The following MYH7 variants were observed in gnomAD, a reference collection of about 807,000 sequenced individuals.
The protein encoded by MYH7 is myosin heavy chain 7, also known as myosin-7.
MYH7 carries 129 observed loss-of-function variants against 225.4 expected under a neutral mutation model. That is an observed-to-expected ratio of 0.57 (90% CI 0.50 to 0.66). The LOEUF (loss-of-function observed/expected upper bound fraction) is 0.66. Ranked by LOEUF, MYH7 falls within the 30% of genes least tolerant of loss-of-function variation. MYH7 has a pLI of 0.00. For missense variants in MYH7, 1,649 were observed against 2,517.0 expected (o/e 0.66, Z 7.38); for synonymous variants, 971 against 1,007.6 (o/e 0.96, Z 0.69).
Position 23,429,790 on chromosome 14 carries a change from G to T in MYH7, c.1123C>A (p.Pro375Thr). The T allele has an allele frequency of 6.2e-7, 1 of 1,612,662 alleles. No individual in the cohort carries two copies. The change falls in exon 12 of 40, where the codon CCA (proline) becomes ACA (threonine). Residue 375 changes from proline (P) to threonine (T), a missense_variant. This residue lies in a region of MYH7 where 131 missense variants were observed against 231.3 expected (regional missense o/e 0.57). Transcript: ENST00000355349. ...KLKQREEQAE[P>T]DGTEEADKSA... ...TGCCTCCCACCTTCAGTGCCGTCTG[G>T]CTCCGCCTGCTCCTCCCGCTGCTTC...
At chr14:23,414,914 A>C in intron 37 of MYH7, 81 bp downstream of exon 37, 1 of 1,597,340 alleles carries the variant, frequency 6.3e-7, no homozygotes, top group South Asian at 1.1e-5. Context: ...AGAGGCTAAG[A>C]GCAAACTCTT....
At position 23,414,091 on chromosome 14, in the gene MYH7, G is replaced by A; in HGVS notation, c.5571C>T (p.Asp1857=). Residue 1857 remains aspartate (D), a synonymous_variant, in exon 38 of 40, where the codon GAC becomes GAT. Coordinates refer to ENST00000355349, the MANE Select transcript of MYH7 (RefSeq NM_000257.4). The part of the protein sequence containing the change: ...IKELTYQTEE[D]RKNLLRLQDL... ...CCTGCAGCCGCAGCAGGTTTTTCCTGTCCTCCTCCGTCTGGGGGCCAGAGG... is the reference window on the plus strand; with the variant it reads ...CCTGCAGCCGCAGCAGGTTTTTCCTATCCTCCTCCGTCTGGGGGCCAGAGG... 1.9e-6 allele frequency: 3 copies of A among 1,612,826 alleles called. No individual in the cohort carries two copies. The highest frequency in any genetic ancestry group is 2.5e-6 in the Non-Finnish European group (3 of 1,180,018).
intron 31 of MYH7, 78 bp from the exon 32 acceptor site, chr14:23,417,396 G>C (rs1892265051): frequency 6.2e-7 from 1 of 1,611,522 alleles, no homozygotes; most frequent in Non-Finnish European, 8.5e-7. Flanking sequence ...ACCTGCCTGG[G>C]CTCAGCCCTC....
chr14:23,420,096 C>G lies in MYH7; in HGVS notation c.3475G>C (p.Val1159Leu). The G allele has an allele frequency of 5.6e-6, 9 of 1,602,332 alleles. No individual in the cohort carries two copies. Among genetic ancestry groups the G allele is most frequent in the Non-Finnish European group, 7.7e-6 (9 of 1,175,478 alleles). Residue 1159 changes from valine to leucine, a missense_variant, in exon 27 of 40, where the codon GTG becomes CTG. Val to Leu is a conservative substitution (Grantham distance 32). Coordinates refer to ENST00000355349, the MANE Select transcript of MYH7 (RefSeq NM_000257.4). ...CGCTTCTTGTTCATCTCGATCTGCA[C>G]GGACGTGGCCCCGCCGGCCTCTTCC... ...RLEEAGGATS[V>L]QIEMNKKREA...
At position 23,422,266 on chromosome 14, in the gene MYH7, C is replaced by T. The variant is rs769027917; in HGVS notation, c.3159G>A (p.Arg1053=). 1 of 1,614,132 alleles carries T rather than the reference C, an allele frequency of 6.2e-7. No individual in the cohort carries two copies. Among genetic ancestry groups the T allele is most frequent in the African/African-American group, 1.3e-5 (1 of 75,028 alleles). Reference sequence around the variant, plus strand: ...TCAGCTTCAGGTCGCCCTCCAGCTTCCGCTTCGCTCGCTCCAGGTCCATGC... The same window carrying T: ...TCAGCTTCAGGTCGCCCTCCAGCTTTCGCTTCGCTCGCTCCAGGTCCATGC... The part of the protein sequence containing the change: ...KVRMDLERAK[R]KLEGDLKLTQ... The change falls in exon 25 of 40, where the codon CGG becomes CGA. Residue 1053 remains arginine (R), a synonymous_variant. Coordinates refer to ENST00000355349, the MANE Select transcript of MYH7 (RefSeq NM_000257.4).
rs1437987804 is a variant in MYH7, at chr14:23,415,492, G to C, written c.5172C>G (p.Ile1724Met). 5 of 1,614,212 alleles carry C rather than the reference G, an allele frequency of 3.1e-6. No individual in the cohort carries two copies. The highest frequency in any genetic ancestry group is 4.2e-6 in the Non-Finnish European group (5 of 1,180,040). Residue 1724 changes from isoleucine (I) to methionine (M), a missense_variant, in exon 36 of 40, where the codon ATC becomes ATG. Ile to Met is a conservative substitution (Grantham distance 10). Coordinates refer to ENST00000355349, the MANE Select transcript of MYH7 (RefSeq NM_000257.4). The surrounding 1 kb of genome is among the most constrained non-coding windows in gnomAD (Gnocchi z 6.3). ...CAGCATCCATCTTCTTCTTCTGGTT[G>C]ATGAGGCTGGTGTTCTGGGTTGGGG... ...QLLHSQNTSL[I>M]NQKKKMDADL...
intron 17 of MYH7, 72 bp downstream of exon 17, chr14:23,427,168 G>T (rs45491592): frequency 2.1e-6 from 3 of 1,426,996 alleles, no homozygotes; most frequent in Admixed American, 1.7e-5. Context: ...GATGAACAAG[G>T]CAGGGAAGGG....
chr14:23,422,307 G>C lies in MYH7; in HGVS notation c.3118C>G (p.Gln1040Glu). Residue 1040 changes from glutamine (Q) to glutamate (E), a missense_variant, in exon 25 of 40, where the codon CAA becomes GAA. This residue lies in a region of MYH7 where 282 missense variants were observed against 315.3 expected (regional missense o/e 0.89). Transcript: ENST00000355349. ...AGGTCCATGCGCACCTTCTTCTCTT[G>C]CTCCAGGGATCCTTCCAGCTGGTAG... The part of the protein sequence containing the change: ...QVDDLEGSLE[Q>E]EKKVRMDLER... 1 of 1,614,170 alleles carries C rather than the reference G, an allele frequency of 6.2e-7. No individual in the cohort carries two copies. The highest frequency in any genetic ancestry group is 8.5e-7 in the Non-Finnish European group (1 of 1,180,048).
intron 39 of MYH7, 143 bp downstream of exon 39, chr14:23,413,616 G>T: frequency 2.4e-5 from 24 of 989,668 alleles, no homozygotes; most frequent in Non-Finnish European, 3.6e-5. Context: ...TGAAATCACA[G>T]AGAACTGCAT....
intron 4 of MYH7, 52 bp from the exon 5 acceptor site, chr14:23,432,847 G>A (rs1333407464): frequency 1.2e-6 from 2 of 1,608,998 alleles, no homozygotes; most frequent in Non-Finnish European, 1.7e-6. Context: ...GGGAGGGCTG[G>A]TGATTTTGGG....
At chr14:23,430,490 T>C in intron 11 of MYH7, 70 bp downstream of exon 11, 1 of 1,263,692 alleles carries the variant, frequency 7.9e-7, no homozygotes, top group South Asian at 1.2e-5. Context: ...GTCTTAGCTC[T>C]GCTTTTGGAC....
In MYH7 at chr14:23,418,401, C is replaced by G. The variant is rs1165088306; in HGVS notation, c.3978G>C (p.Lys1326Asn). The change falls in exon 30 of 40, where the codon AAG (lysine) becomes AAC (asparagine). Residue 1326 changes from lysine to asparagine, a missense_variant. Physicochemically the swap from Lys to Asn is moderately conservative, Grantham distance 94 (BLOSUM62 0). Coordinates refer to ENST00000355349, the MANE Select transcript of MYH7 (RefSeq NM_000257.4). ...KRQLEEEVKA[K>N]NALAHALQSA... The stretch of plus-strand genomic sequence containing the variant: ...ACTGCAGTGCGTGGGCCAGGGCGTT[C>G]TTCGCCTGGGGAGGGGTGGGCACCA... 6.2e-7 allele frequency: 1 copy of G among 1,605,960 alleles called. No homozygotes were observed. The highest frequency in any genetic ancestry group is 1.7e-5 in the Admixed American group (1 of 59,818).
At chr14:23,424,496 A>G (rs762980790) in intron 22 of MYH7, among the ~76,000 whole-genome samples, 9 of 152,226 alleles carry the variant, frequency 5.9e-5, no homozygotes, top group Non-Finnish European at 1.3e-4. Flanking sequence ...TTGAGGCTCA[A>G]AGATGATGCA....
intron 29 of MYH7, 143 bp downstream of exon 29, chr14:23,419,034 G>T (rs539250709): frequency 2.4e-6 from 2 of 824,576 alleles, no homozygotes; most frequent in Admixed American, 3.5e-5. Context: ...CATGTGGCAG[G>T]GTTTGGGCTG....
chr14:23,435,453 A>G (rs2098921418), intron 1 of MYH7, among the ~76,000 whole-genome samples, 167 bp downstream of exon 1: 1 of 151,196 alleles, frequency 6.6e-6, no homozygotes, highest in South Asian at 2.1e-4. Context: ...TCCCCTAGGA[A>G]CTCCTGTGGC....
Position 23,413,770 on chromosome 14 carries a change from T to G in MYH7, c.5779A>C (p.Ile1927Leu), listed in dbSNP as rs767300277. 1 of 1,614,038 alleles carries G rather than the reference T, an allele frequency of 6.2e-7. No homozygotes were observed. The highest frequency in any genetic ancestry group is 8.5e-7 in the Non-Finnish European group (1 of 1,180,052). ...AAAGAGGGACCCACCTTCGTGCCAATGTCACGGCTCTTGGCCCGCAGCTTG... is the reference window on the plus strand; with the variant it reads ...AAAGAGGGACCCACCTTCGTGCCAAGGTCACGGCTCTTGGCCCGCAGCTTG... ...VNKLRAKSRD[I>L]GTKGLNEE The change falls in exon 39 of 40, where the codon ATT (isoleucine) becomes CTT (leucine). Residue 1927 changes from isoleucine (I) to leucine (L), a missense_variant. Transcript: ENST00000355349.
chr14:23,429,689 A>G (rs1427352569), intron 12 of MYH7, 86 bp downstream of exon 12: 12 of 1,555,320 alleles, frequency 7.7e-6, no homozygotes, highest in Non-Finnish European at 1.0e-5. Flanking sequence ...AAAAAAAAAA[A>G]AAGAAAAAAG....
At chr14:23,414,932 C>T in intron 37 of MYH7, 63 bp downstream of exon 37, 2 of 1,600,308 alleles carry the variant, frequency 1.2e-6, no homozygotes, top group Non-Finnish European at 1.7e-6. Context: ...CTTCATTCTC[C>T]TCAGCTGGTT....
In MYH7 at chr14:23,415,055, G is replaced by A. The variant is rs3729831; in HGVS notation, c.5499C>T (p.Asn1833=). ...ENELEAEQKR[N]AESVKGMRKS... ...TCCTCATGCCCTTCACCGACTCTGCGTTGCGCTTCTGCTCGGCCTCCAGCT... is the reference window on the plus strand; with the variant it reads ...TCCTCATGCCCTTCACCGACTCTGCATTGCGCTTCTGCTCGGCCTCCAGCT... The change falls in exon 37 of 40, where the codon AAC becomes AAT. Residue 1833 remains asparagine (N), a synonymous_variant. Coordinates refer to ENST00000355349, the MANE Select transcript of MYH7 (RefSeq NM_000257.4). This position sits in a 1 kb window ranked among gnomAD's most constrained non-coding sequence, Gnocchi z 6.3. 1.7e-4 allele frequency: 276 copies of A among 1,612,902 alleles called. No homozygotes were observed. Among genetic ancestry groups the A allele is most frequent in the Non-Finnish European group, 2.1e-4 (248 of 1,180,018 alleles).
Sources: gnomAD v4.1 joint callset for allele counts (sites outside exome capture counted in the v4.1 genomes callset) on GRCh38, gnomAD v4.1.1 for gene constraint, gnomAD v4.1.1 regional missense constraint, Gnocchi (gnomAD v3.1) non-coding constraint, MANE v1.5 for transcripts, NCBI Gene and HGNC (gene_info 2026-07-23, HGNC 2026-07-21) for gene names.